The following SHPRH variants were observed in gnomAD, a reference collection of about 807,000 sequenced individuals.
SHPRH encodes SNF2 histone linker PHD RING helicase.
In SHPRH, 106 loss-of-function variants were observed where a neutral mutation model predicts 202.5. That is an observed-to-expected ratio of 0.52 (90% confidence interval 0.45 to 0.62). The LOEUF is 0.62. Ranked by LOEUF, SHPRH falls within the 20% of genes least tolerant of loss-of-function variation. The pLI is 0.00. For synonymous variants in SHPRH, 729 were observed against 686.0 expected (o/e 1.06, Z -0.98); for missense variants, 1,710 against 2,020.0 (o/e 0.85, Z 2.94).
chr6:145,941,850 C>T lies in SHPRH; in HGVS notation c.2263G>A (p.Gly755Ser). ...GCCAAAAAATGAGGTTGTAAAAAGC[C>T]ATCTTTCTTCACTCCTTGATATACC... ...VLVYQGVKKD[G>S]FLQPHFLAEQ... The change falls in exon 10 of 30, where the codon GGC (glycine) becomes AGC (serine). Residue 755 changes from glycine to serine, a missense_variant. Gly to Ser is a moderately conservative substitution (Grantham distance 56). Coordinates refer to ENST00000275233, the MANE Select transcript of SHPRH (RefSeq NM_001042683.3). 6.2e-7 allele frequency: 1 copy of T among 1,613,780 alleles called. No homozygotes were observed. Among genetic ancestry groups the T allele is most frequent in the Non-Finnish European group, 8.5e-7 (1 of 1,179,872 alleles).
chr6:145,894,580 T>C (rs1345857081), intron 26 of SHPRH, among the ~76,000 whole-genome samples: 2 of 151,982 alleles, frequency 1.3e-5, no homozygotes, highest in African/African-American at 4.8e-5. Flanking sequence ...GATTGTCTTT[T>C]TCAACCCAAA....
At chr6:145,920,042 T>C (rs957628065) in intron 21 of SHPRH, among the ~76,000 whole-genome samples, 10 of 152,126 alleles carry the variant, frequency 6.6e-5, no homozygotes, top group African/African-American at 2.2e-4. Flanking sequence ...TTATACTATG[T>C]GAAACATATT....
intron 26 of SHPRH, 35 bp downstream of exon 26, chr6:145,894,850 C>G: frequency 6.3e-7 from 1 of 1,590,716 alleles, no homozygotes; most frequent in Non-Finnish European, 8.6e-7. Context: ...AAAATCAGTT[C>G]GAATTAATAT....
At chr6:145,896,006 G>C (rs1247749297) in intron 25 of SHPRH, among the ~76,000 whole-genome samples, 2 of 151,950 alleles carry the variant, frequency 1.3e-5, no homozygotes, top group Non-Finnish European at 2.9e-5. Flanking sequence ...TAACCAAAAA[G>C]AAGGAAAAAT....
chr6:145,886,833 C>G (rs1301815853), intron 29 of SHPRH, 46 bp from the exon 30 acceptor site: 1 of 1,583,936 alleles, frequency 6.3e-7, no homozygotes, highest in African/African-American at 1.4e-5. Flanking sequence ...AACCCCAAGC[C>G]ATCAGCGATT....
At chr6:145,882,061 A>G (rs1056399679), downstream of SHPRH, among the ~76,000 whole-genome samples, 2 of 150,972 alleles carry the variant, frequency 1.3e-5, no homozygotes, top group Non-Finnish European at 2.9e-5. Flanking sequence ...GCACCACTAC[A>G]CTTCACCCTG....
chr6:145,913,814 T>C (rs1013701059), intron 23 of SHPRH, among the ~76,000 whole-genome samples: 8 of 152,082 alleles, frequency 5.3e-5, no homozygotes, highest in African/African-American at 1.7e-4. Flanking sequence ...AAATCTGAAA[T>C]CTGAAATGCT....
In SHPRH at chr6:145,894,938, G is replaced by A. The variant is rs1781883496; in HGVS notation, c.4555C>T (p.Leu1519=). 2 of 1,612,890 alleles carry A rather than the reference G, an allele frequency of 1.2e-6. No individual in the cohort carries two copies. Among genetic ancestry groups the A allele is most frequent in the African/African-American group, 2.7e-5 (2 of 74,840 alleles). Residue 1519 remains leucine, a synonymous_variant, in exon 26 of 30, where the codon CTG becomes TTG. Transcript: ENST00000275233. ...GGATCTCTAAGCTGTATTTTCATCA[G>A]AGTTCTGACCACAGCTTCCACTTTT... ...STKVEAVVRT[L]MKIQLRDPGA...
At chr6:145,910,703 A>C (rs1562310157) in intron 24 of SHPRH, 67 bp from the exon 25 acceptor site, 3 of 1,388,608 alleles carry the variant, frequency 2.2e-6, no homozygotes, top group Non-Finnish European at 9.5e-7. Flanking sequence ...GCATATTAAA[A>C]AGAGATTCGC....
rs200188902 is a variant in SHPRH at position 145,921,319 on chromosome 6, T to C, written c.3856A>G (p.Thr1286Ala). 5.1e-5 allele frequency: 83 copies of C among 1,612,794 alleles called. No homozygotes were observed. Among genetic ancestry groups the C allele is most frequent in the Middle Eastern group, 1.6e-4 (1 of 6,078 alleles). Residue 1286 changes from threonine (T) to alanine (A), a missense_variant, in exon 21 of 30, where the codon ACC becomes GCC. This residue lies in a region of SHPRH where 288 missense variants were observed against 317.8 expected (regional missense o/e 0.91). Transcript: ENST00000275233. ...ATTGCCCAGAGACCCCGGGTGGTGG[T>C]AGGTGCTCGATCATCCACCAGTCCT... ...EEGLVDDRAP[T>A]TTRGLWAISE...
In SHPRH at chr6:145,926,288, A is replaced by G. The variant is rs574977870; in HGVS notation, c.3210T>C (p.His1070=). The change falls in exon 16 of 30, where the codon CAT becomes CAC. Residue 1070 remains histidine, a synonymous_variant. Coordinates refer to ENST00000275233, the MANE Select transcript of SHPRH (RefSeq NM_001042683.3). The stretch of plus-strand genomic sequence containing the variant: ...ACAATTCCATCAAGTTATGGGTAGC[A>G]TGAAGTCTCTACAAACATATCAAAG... The part of the protein sequence containing the change: ...KLKTDSLQRL[H]ATHNLMELLI... The G allele has an allele frequency of 3.0e-5, 48 of 1,612,734 alleles. No individual in the cohort carries two copies. The highest frequency in any genetic ancestry group is 2.1e-4 in the African/African-American group (16 of 74,972).
At chr6:145,927,069 C>T (rs891239519) in intron 15 of SHPRH, 120 bp downstream of exon 15, 18 of 837,158 alleles carry the variant, frequency 2.2e-5, no homozygotes, top group Non-Finnish European at 3.4e-5. Context: ...AAGACTGAAT[C>T]CCAAGTTTCA....
chr6:145,913,455 T>C, intron 24 of SHPRH, 23 bp downstream of exon 24: 1 of 1,587,156 alleles, frequency 6.3e-7, no homozygotes, highest in Non-Finnish European at 8.6e-7. Flanking sequence ...TATAAATGCA[T>C]GTGATGTTTA....
At chr6:145,874,816 T>C (rs1255007975) in intron 2 of SHPRH, among the ~76,000 whole-genome samples, 2 of 152,226 alleles carry the variant, frequency 1.3e-5, no homozygotes, top group Non-Finnish European at 2.9e-5. Flanking sequence ...CTGAATAAAC[T>C]TGTCAATGAT....
At chr6:145,948,496 T>C (rs1787633120) in intron 4 of SHPRH, 146 bp from the exon 5 acceptor site, 1 of 530,406 alleles carries the variant, frequency 1.9e-6, no homozygotes, top group Non-Finnish European at 3.2e-6. Flanking sequence ...AAAAGCCACA[T>C]ACTTAACACA....
At position 145,892,304 on chromosome 6, in the gene SHPRH, T is replaced by C. The variant is rs968074813; in HGVS notation, c.4874+911A>G. On this transcript the variant is annotated intron_variant, in intron 28 of 29. Transcript: ENST00000275233. ...TTGAAATAATTATTCCTTCAAGACT[T>C]AACACCATAAAGTCTTTCCTGACTC... is the stretch of plus-strand genomic sequence containing the variant. Among the ~76,000 whole-genome samples the C allele has an allele frequency of 5.9e-5, 9 of 152,290 alleles. 1 individual carries two copies. The South Asian group carries it at 1.9e-3, about 32-fold the overall frequency.
chr6:145,921,435 G>A (rs755835293), intron 20 of SHPRH, 43 bp from the exon 21 acceptor site: 3 of 1,564,532 alleles, frequency 1.9e-6, no homozygotes, highest in African/African-American at 2.7e-5. Context: ...TGGTATCAGT[G>A]AGTGAAAAGC....
chr6:145,954,635 A>C, intron 2 of SHPRH, 55 bp downstream of exon 2: 4 of 1,508,010 alleles, frequency 2.7e-6, no homozygotes, highest in Non-Finnish European at 3.5e-6. Flanking sequence ...TTAATTTAAA[A>C]TTGGACTGCC....
chr6:145,941,015 C>T (rs1157102948), intron 10 of SHPRH, among the ~76,000 whole-genome samples: 6 of 152,142 alleles, frequency 3.9e-5, no homozygotes, highest in African/African-American at 7.2e-5. Flanking sequence ...GAGGCTGCCA[C>T]GCAGTCCCCT....
Sources: allele counts gnomAD v4.1 joint callset (sites outside exome capture counted in the v4.1 genomes callset), GRCh38; gene constraint gnomAD v4.1.1; regional missense constraint gnomAD v4.1.1; transcripts MANE v1.5; gene names NCBI Gene and HGNC (gene_info 2026-07-23, HGNC 2026-07-21).